The following CTNNAL1 variants were observed in gnomAD, a reference collection of about 807,000 sequenced individuals.
CTNNAL1 encodes alpha-catulin.
CTNNAL1 carries 69 observed loss-of-function variants against 93.6 expected under a neutral mutation model. That is an observed-to-expected ratio of 0.74 (90% CI 0.61 to 0.90). The LOEUF is 0.90. Among genes scored for constraint, CTNNAL1 ranks in the 40% least tolerant of loss-of-function variants. CTNNAL1 has a pLI of 0.00. For missense variants in CTNNAL1, 836 were observed against 862.0 expected, an observed-to-expected ratio of 0.97 and a Z score of 0.38; for synonymous variants, 286 against 305.4, an observed-to-expected ratio of 0.94 and a Z score of 0.66.
intron 4 of CTNNAL1, among the ~76,000 whole-genome samples, chr9:108,987,163 T>G (rs1409939711): frequency 1.3e-5 from 2 of 152,212 alleles, no homozygotes; most frequent in African/African-American, 4.8e-5. Context: ...TGGTTTTAGG[T>G]CTAACGTTTA....
chr9:109,007,344 A>G (rs976655565), intron 1 of CTNNAL1, among the ~76,000 whole-genome samples: 3 of 152,236 alleles, frequency 2.0e-5, no homozygotes, highest in Admixed American at 6.5e-5. Context: ...AACTGCAACA[A>G]GAATCCTGAA....
Position 108,992,777 on chromosome 9 carries a change from T to A in CTNNAL1, c.374A>T (p.His125Leu), listed in dbSNP as rs771026622. The A allele has an allele frequency of 1.9e-6, 3 of 1,613,718 alleles. No individual in the cohort carries two copies. The Admixed American group carries it at 5.0e-5, about 27-fold the overall frequency. Residue 125 changes from histidine to leucine, a missense_variant, in exon 3 of 19, where the codon CAT (histidine) becomes CTT (leucine). Physicochemically the swap from His to Leu is moderately conservative, Grantham distance 99. Transcript: ENST00000325551. ...AALTDITNLN[H>L]LESDGQITIF... is the part of the protein sequence containing the mutation. ...TGTGATCTGCCCATCAGATTCCAGA[T>A]GGTTCAAGTTGGTTATGTCTGTAAG...
At chr9:108,969,946 C>T (rs1831062215) in intron 10 of CTNNAL1, among the ~76,000 whole-genome samples, 1 of 152,200 alleles carries the variant, frequency 6.6e-6, no homozygotes, top group South Asian at 2.1e-4. Context: ...TGCTGGGTTA[C>T]AGGTGTTAGC....
At chr9:108,951,321 G>A (rs1285415404) in intron 14 of CTNNAL1, among the ~76,000 whole-genome samples, 1 of 151,996 alleles carries the variant, frequency 6.6e-6, no homozygotes, top group African/African-American at 2.4e-5. Context: ...GGCAGGGGGT[G>A]CTATTTATTG....
chr9:108,983,147 T>C lies in CTNNAL1; in HGVS notation c.898A>G (p.Lys300Glu), dbSNP rs1831487929. 4 of 1,508,772 alleles carry C rather than the reference T, an allele frequency of 2.7e-6. No homozygotes were observed. Among genetic ancestry groups the C allele is most frequent in the Non-Finnish European group, 3.5e-6 (4 of 1,131,736 alleles). 93.5% of individuals were successfully genotyped at this position (1,508,772 alleles called of 1,614,324 possible). ...AAATATACTCTCTTTATTCTTACCT[T>C]GAATTCCTTAATTCCAGTAAAAATA... ...ISIFTGIKEF[K>E]MNIEALRENL... The change falls in exon 6 of 19, where the codon AAG becomes GAG. Residue 300 changes from lysine to glutamate, a missense_variant and splice_region_variant. Lys to Glu is a moderately conservative substitution (Grantham distance 56). Transcript: ENST00000325551.
chr9:108,966,337 T>C (rs12337419), intron 10 of CTNNAL1, among the ~76,000 whole-genome samples: 10,906 of 152,326 alleles, frequency 0.072, 485 homozygotes, highest in Admixed American at 0.13. Context: ...GAGACTGCTA[T>C]GTTTTCATCA....
At chr9:108,972,864 G>GGGGGGGGGGCCCCCCCCCCC in intron 8 of CTNNAL1, 31 bp from the exon 9 acceptor site, 29 of 142,308 alleles carry the variant, frequency 2.0e-4, no homozygotes, top group East Asian at 4.4e-4. Flanking sequence ...GGGGGGGTGG[G>GGGGGGGGGGCCCCCCCCCCC]AGGGTGGAGA....
intron 15 of CTNNAL1, among the ~76,000 whole-genome samples, chr9:108,946,542 T>C (rs10979620): frequency 0.053 from 8,033 of 152,238 alleles, 329 homozygotes; most frequent in East Asian, 0.12. Context: ...AGAGAGGTCT[T>C]TTCTGACCAC....
chr9:108,992,848 A>C, intron 2 of CTNNAL1, 29 bp from the exon 3 acceptor site: 1 of 1,585,304 alleles, frequency 6.3e-7, no homozygotes, highest in Non-Finnish European at 8.6e-7. Context: ...GGAGAAAGTT[A>C]AACAGGCATA....
chr9:108,949,839 G>A lies in CTNNAL1; in HGVS notation c.1836-1605C>T, dbSNP rs112764905. On this transcript the variant is annotated intron_variant, in intron 14 of 18. Transcript: ENST00000325551. ...AGCCTGGGTGACAGAGCAAGACTCC[G>A]TCTCAAAAAAAATAAAAAATAAAGA... is the stretch of plus-strand genomic sequence containing the variant. Among the ~76,000 whole-genome samples, 542 of 144,890 alleles carry A rather than the reference G, an allele frequency of 3.7e-3. 2 individuals are homozygous for A. The highest frequency in any genetic ancestry group is 0.013 in the African/African-American group (520 of 39,042).
At chr9:108,953,832 A>G (rs1361318156) in intron 12 of CTNNAL1, among the ~76,000 whole-genome samples, 1 of 151,738 alleles carries the variant, frequency 6.6e-6, no homozygotes, top group Non-Finnish European at 1.5e-5. Flanking sequence ...ACAGAGAGAA[A>G]GAGACAAAGA....
intron 11 of CTNNAL1, among the ~76,000 whole-genome samples, chr9:108,962,212 G>A (rs562204063): frequency 3.3e-5 from 5 of 152,254 alleles, no homozygotes; most frequent in Admixed American, 6.5e-5. Flanking sequence ...ATGAGAAAAT[G>A]GACATCCAGC....
At chr9:109,001,766 G>A (rs1326221966) in intron 1 of CTNNAL1, among the ~76,000 whole-genome samples, 2 of 152,156 alleles carry the variant, frequency 1.3e-5, no homozygotes, top group Admixed American at 6.5e-5. Flanking sequence ...CTGCAGGCTT[G>A]GTCAATCATC....
chr9:108,973,775 GA>G (rs1212909347), intron 8 of CTNNAL1, among the ~76,000 whole-genome samples: 2 of 150,322 alleles, frequency 1.3e-5, no homozygotes, highest in Non-Finnish European at 3.0e-5. Flanking sequence ...ATCTGACTTT[GA>G]ATTAAATCTA....
At chr9:108,986,235 T>A (rs1456219606) in intron 4 of CTNNAL1, among the ~76,000 whole-genome samples, 7 of 149,216 alleles carry the variant, frequency 4.7e-5, no homozygotes, top group African/African-American at 9.9e-5. Flanking sequence ...TGTCCATGTG[T>A]TCTCATTGTT....
intron 2 of CTNNAL1, among the ~76,000 whole-genome samples, chr9:108,998,388 CTT>C (rs201408861): frequency 3.2e-4 from 45 of 142,530 alleles, no homozygotes; most frequent in East Asian, 2.0e-3. Flanking sequence ...TCTTACCTTG[CTT>C]TTTTTTTTTT....
At chr9:108,996,174 C>T (rs1210953626) in intron 2 of CTNNAL1, among the ~76,000 whole-genome samples, 1 of 151,922 alleles carries the variant, frequency 6.6e-6, no homozygotes, top group Non-Finnish European at 1.5e-5. Flanking sequence ...ATTATGTTGC[C>T]CAGGTTGGTC....
chr9:109,012,517 G>A (rs1288394776), intron 1 of CTNNAL1, among the ~76,000 whole-genome samples: 1 of 152,194 alleles, frequency 6.6e-6, no homozygotes, highest in Non-Finnish European at 1.5e-5. Context: ...TTCTAGCCCT[G>A]AAGCTGCATA....
At chr9:108,995,709 T>C (rs1395419206) in intron 2 of CTNNAL1, among the ~76,000 whole-genome samples, 2 of 152,076 alleles carry the variant, frequency 1.3e-5, no homozygotes, top group African/African-American at 2.4e-5. Flanking sequence ...AAAGCAACAA[T>C]ACAATGTAAG....
Sources: allele counts gnomAD v4.1 joint callset (sites outside exome capture counted in the v4.1 genomes callset), GRCh38; gene constraint gnomAD v4.1.1; transcripts MANE v1.5; gene names NCBI Gene and HGNC (gene_info 2026-07-23, HGNC 2026-07-21).